The following EVC2 variants were observed in gnomAD, a reference collection of about 807,000 sequenced individuals.
The protein encoded by EVC2 is limbin.
In EVC2, 148 loss-of-function variants were observed where a neutral mutation model predicts 149.3. The observed-to-expected ratio is 0.99, with a 90% CI of 0.87 to 1.14. EVC2 has a LOEUF of 1.14. EVC2 is among the 50% of genes most tolerant of loss of function. The probability of loss-of-function intolerance (pLI) is 0.00; values close to 1 mark genes in which losing one functional copy is unlikely to be tolerated. For synonymous variants in EVC2, 776 were observed against 649.9 expected, an observed-to-expected ratio of 1.19 and a Z score of -2.95; for missense variants, 1,854 against 1,627.3, an observed-to-expected ratio of 1.14 and a Z score of -2.40.
rs1714991457 is a variant in EVC2, at chr4:5,613,261, C to T, written c.2829+2161G>A. Among the ~76,000 whole-genome samples the T allele has an allele frequency of 6.6e-6, 1 of 152,186 alleles. No homozygotes were observed. The highest frequency in any genetic ancestry group is 2.1e-4 in the South Asian group (1 of 4,832). On this transcript the variant is annotated intron_variant, in intron 16 of 21. Transcript: ENST00000344408. The surrounding 1 kb of genome is among the most constrained non-coding windows in gnomAD (Gnocchi z 4.6). The stretch of plus-strand genomic sequence containing the variant: ...AGGCAGCCTTGTCACAGGGCTTCAA[C>T]CCTCTGGGTTCCCTCTGTGCACTGT...
chr4:5,705,520 T>C (rs1722073667), intron 1 of EVC2, among the ~76,000 whole-genome samples: 2 of 150,680 alleles, frequency 1.3e-5, no homozygotes, highest in African/African-American at 2.4e-5. Flanking sequence ...ACAATGCCAT[T>C]GCATATTAAC....
intron 21 of EVC2, among the ~76,000 whole-genome samples, chr4:5,557,258 G>A (rs554644648): frequency 6.6e-6 from 1 of 152,094 alleles, no homozygotes; most frequent in Non-Finnish European, 1.5e-5. Context: ...GGTATGCAAG[G>A]CTGGTTCAAC....
intron 21 of EVC2, among the ~76,000 whole-genome samples, chr4:5,556,527 G>C (rs1248178614): frequency 1.3e-5 from 2 of 151,674 alleles, no homozygotes; most frequent in Non-Finnish European, 2.9e-5. Flanking sequence ...TTCCACCTTA[G>C]GATACTAAAG....
rs1245287375 is a variant in EVC2 at position 5,622,953 on chromosome 4, C to G, written c.2085G>C (p.Glu695Asp). The G allele has an allele frequency of 6.2e-7, 1 of 1,614,072 alleles. No homozygotes were observed. The highest frequency in any genetic ancestry group is 2.2e-5 in the East Asian group (1 of 44,874). The change falls in exon 14 of 22, where the codon GAG becomes GAC. Residue 695 changes from glutamate (E) to aspartate (D), a missense_variant. Physicochemically the swap from Glu to Asp is conservative, Grantham distance 45. Transcript: ENST00000344408. This position sits in a 1 kb window ranked among gnomAD's most constrained non-coding sequence, Gnocchi z 5.8. ...EQRREQASVG[E>D]AFRTVEDAGQ... Reference sequence around the variant, plus strand: ...CGGCATCCTCAACCGTTCGGAAGGCCTCGCCGACGGACGCCTGCTCCCTAC... The same window carrying G: ...CGGCATCCTCAACCGTTCGGAAGGCGTCGCCGACGGACGCCTGCTCCCTAC...
At chr4:5,548,685 A>G (rs901045647) in intron 21 of EVC2, among the ~76,000 whole-genome samples, 5 of 152,152 alleles carry the variant, frequency 3.3e-5, no homozygotes, top group Non-Finnish European at 7.3e-5. Context: ...CAGAAATATG[A>G]TTACAAGGTA....
rs2108770885 is a variant in EVC2, at chr4:5,568,572, C to G, written c.3429G>C (p.Leu1143=). Reference sequence around the variant, plus strand: ...GTGAGGCTGTGGGCAGTACCACACTCAGGAGCCGGCGAAGCGTGGCCCCGG... The same window carrying G: ...GTGAGGCTGTGGGCAGTACCACACTGAGGAGCCGGCGAAGCGTGGCCCCGG... ...MVPGATLRRL[L]SVVLPTASQP... Residue 1143 remains leucine (L), a synonymous_variant, in exon 20 of 22, where the codon CTG becomes CTC. Transcript: ENST00000344408. 6.2e-6 allele frequency: 10 copies of G among 1,607,038 alleles called. No homozygotes were observed. Among genetic ancestry groups the G allele is most frequent in the Non-Finnish European group, 8.5e-6 (10 of 1,179,434 alleles).
downstream of EVC2, among the ~76,000 whole-genome samples, chr4:5,539,675 C>A (rs62299838): frequency 0.11 from 17,455 of 152,022 alleles, 1,073 homozygotes; most frequent in South Asian, 0.28. Context: ...GAATTCAATT[C>A]CATGGAAAAA....
rs1426945514 is a variant in EVC2 at position 5,707,945 on chromosome 4, G to C, written c.228+341C>G. On this transcript the variant is annotated intron_variant, in intron 1 of 21. Coordinates refer to ENST00000344408, the MANE Select transcript of EVC2 (RefSeq NM_147127.5). ...TCATCTAACCCACTTCCACCCTCTG[G>C]GGTGGACGCCGCGACGGCCCCGTTT... 3.5e-5 allele frequency: 7 copies of C among 200,538 alleles called. No individual in the cohort carries two copies. In the Admixed American group the frequency reaches 4.3e-4, roughly 12 times the overall value. 12.4% of individuals were successfully genotyped at this position (200,538 alleles called of 1,614,324 possible).
rs141625995 is a variant in EVC2 at position 5,684,641 on chromosome 4, C to T, written c.816+729G>A. On this transcript the variant is annotated intron_variant, in intron 6 of 21. Coordinates refer to ENST00000344408, the MANE Select transcript of EVC2 (RefSeq NM_147127.5). ...AGCATTCACTGCGTAAGTGAACCCACCACAGGGGCAGTGAGAGATGGGGAG... is the reference window on the plus strand; with the variant it reads ...AGCATTCACTGCGTAAGTGAACCCATCACAGGGGCAGTGAGAGATGGGGAG... 8.6e-3 allele frequency among the ~76,000 whole-genome samples: 1,309 copies of T among 152,256 alleles called. 13 individuals are homozygous for T. Among genetic ancestry groups the T allele is most frequent in the Non-Finnish European group, 0.013 (880 of 68,022 alleles).
At chr4:5,644,064 G>T (rs892763001) in intron 9 of EVC2, among the ~76,000 whole-genome samples, 1 of 151,912 alleles carries the variant, frequency 6.6e-6, no homozygotes, top group East Asian at 1.9e-4. Context: ...GAACATTCTG[G>T]CCTTCTATCT....
chr4:5,565,363 C>A lies in EVC2; in HGVS notation c.3558-4G>T, dbSNP rs746098929. ...TTGCCACCAGCTCTGGTGTTTCCTG[C>A]AGGCAAGAAGGGAGTCTTATAGTTT... On this transcript the variant is annotated splice_polypyrimidine_tract_variant and splice_region_variant and intron_variant, in intron 20 of 21. Coordinates refer to ENST00000344408, the MANE Select transcript of EVC2 (RefSeq NM_147127.5). 8.1e-6 allele frequency: 13 copies of A among 1,613,782 alleles called. No individual in the cohort carries two copies. Among genetic ancestry groups the A allele is most frequent in the Non-Finnish European group, 1.1e-5 (13 of 1,179,796 alleles).
intron 1 of EVC2, among the ~76,000 whole-genome samples, chr4:5,702,164 A>T (rs1183738774): frequency 6.6e-6 from 1 of 150,952 alleles, no homozygotes; most frequent in Non-Finnish European, 1.5e-5. Context: ...CCCGTCCCCC[A>T]CTCCATTCGG....
intron 9 of EVC2, among the ~76,000 whole-genome samples, chr4:5,658,560 A>T (rs1016664532): frequency 2.6e-4 from 39 of 152,360 alleles, no homozygotes; most frequent in African/African-American, 9.1e-4. Flanking sequence ...ATCCAGAAAG[A>T]GTCCTAAGCT....
intron 9 of EVC2, among the ~76,000 whole-genome samples, chr4:5,661,109 T>C (rs1192396335): frequency 6.6e-6 from 1 of 152,120 alleles, no homozygotes; most frequent in Non-Finnish European, 1.5e-5. Flanking sequence ...TACCCTCCAG[T>C]GGGTAGTGAG....
At position 5,600,394 on chromosome 4, in the gene EVC2, G is replaced by A. The variant is rs192490762; in HGVS notation, c.2829+15028C>T. Among the ~76,000 whole-genome samples, 391 of 152,240 alleles carry A rather than the reference G, an allele frequency of 2.6e-3. 1 individual carries two copies. Among genetic ancestry groups the A allele is most frequent in the African/African-American group, 8.8e-3 (365 of 41,548 alleles). ...AAAATAATGGTTTGCCATATTGAGC[G>A]TTTCCCCCTATTTTAAAGAGGTTTC... On this transcript the variant is annotated intron_variant, in intron 16 of 21. Transcript: ENST00000344408.
At chr4:5,531,948 C>T in the EVC2 span, among the ~76,000 whole-genome samples, 1 of 152,056 alleles carries the variant, frequency 6.6e-6, no homozygotes, top group African/African-American at 2.4e-5. Context: ...CTCTAGTTTA[C>T]CTATGATACA....
intron 17 of EVC2, among the ~76,000 whole-genome samples, chr4:5,578,501 A>T (rs1723066579): frequency 6.6e-6 from 1 of 152,194 alleles, no homozygotes; most frequent in African/African-American, 2.4e-5. Flanking sequence ...GAAATCACAG[A>T]GCTGGGCAAG....
chr4:5,582,019 GA>G (rs1384461007), intron 17 of EVC2, among the ~76,000 whole-genome samples: 17 of 152,334 alleles, frequency 1.1e-4, no homozygotes, highest in Admixed American at 1.1e-3. Context: ...AGGATATATG[GA>G]AAAGTCACAA....
Position 5,632,110 on chromosome 4 carries a change from C to G in EVC2, c.1471-78G>C, listed in dbSNP as rs1716586520. 6 of 1,576,880 alleles carry G rather than the reference C, an allele frequency of 3.8e-6. No individual in the cohort carries two copies. In the African/African-American group the frequency reaches 4.0e-5, roughly 11 times the overall value. On this transcript the variant is annotated intron_variant, in intron 10 of 21. Coordinates refer to ENST00000344408, the MANE Select transcript of EVC2 (RefSeq NM_147127.5). ...ACATGTGCATGCAATGCAATGTGTA[C>G]AGGCACATGTGCACACACAATGTGT...
Sources: allele counts gnomAD v4.1 joint callset (sites outside exome capture counted in the v4.1 genomes callset), GRCh38; gene constraint gnomAD v4.1.1; non-coding constraint Gnocchi (gnomAD v3.1); transcripts MANE v1.5; gene names NCBI Gene and HGNC (gene_info 2026-07-23, HGNC 2026-07-21).